DAB1: variants seen among roughly 807,000 people sequenced by gnomAD.
DAB1 encodes disabled homolog 1.
Under a neutral mutation model 64.6 loss-of-function variants are expected in DAB1, and 15 were observed. The observed-to-expected ratio is 0.23, with a 90% CI of 0.16 to 0.36. The LOEUF is 0.36. DAB1 is among the 10% of genes least tolerant of loss of function. The pLI, the probability that DAB1 is intolerant of heterozygous loss-of-function variation, is 1.00. For missense variants in DAB1, 596 were observed against 706.7 expected (o/e 0.84, Z 1.78); for synonymous variants, 235 against 251.9 (o/e 0.93, Z 0.64).
chr1:58,513,606 T>C (rs570870171), intron 2 of DAB1, among the ~76,000 whole-genome samples: 2 of 152,200 alleles, frequency 1.3e-5, no homozygotes, highest in African/African-American at 2.4e-5. Flanking sequence ...TCCTAGAATA[T>C]TTTTTGAGAC....
rs852797 is a variant in DAB1 at position 57,853,606 on chromosome 1, T to A, written n.88-27151A>T. On this transcript the variant is annotated intron_variant and non_coding_transcript_variant, in intron 1 of 1. Coordinates refer to the DAB1 transcript ENST00000477280. ...TAATAAAATGAACGAATAAATGAAT[T>A]AATGAATAAGTGAACTAAAATCAAT... 7.4e-4 allele frequency among the ~76,000 whole-genome samples: 112 copies of A among 152,068 alleles called. 4 individuals are homozygous for A. The South Asian group carries it at 0.016, about 22-fold the overall frequency.
chr1:57,761,760 G>A (rs963359200), intron 6 of DAB1, among the ~76,000 whole-genome samples: 6 of 152,182 alleles, frequency 3.9e-5, no homozygotes, highest in South Asian at 2.1e-4. Context: ...ATTGTGACAC[G>A]TGGGCCCAGA....
intron 1 of DAB1, among the ~76,000 whole-genome samples, chr1:57,389,691 A>G (rs957590721): frequency 6.6e-6 from 1 of 152,210 alleles, no homozygotes; most frequent in African/African-American, 2.4e-5. Flanking sequence ...AATGCATAGT[A>G]CATGGGTACA....
At chr1:58,491,943 C>G (rs1321292554) in intron 3 of DAB1, among the ~76,000 whole-genome samples, 3 of 152,138 alleles carry the variant, frequency 2.0e-5, no homozygotes, top group Non-Finnish European at 2.9e-5. Flanking sequence ...ACTCTCCACC[C>G]CAAATCAACA....
chr1:58,482,349 C>A (rs1288834671), intron 3 of DAB1, among the ~76,000 whole-genome samples: 1 of 152,098 alleles, frequency 6.6e-6, no homozygotes, highest in Non-Finnish European at 1.5e-5. Flanking sequence ...GAAATAGTTA[C>A]CCCTGAAACT....
At chr1:57,274,380 G>A (rs565754098) in intron 2 of DAB1, among the ~76,000 whole-genome samples, 37 of 152,318 alleles carry the variant, frequency 2.4e-4, no homozygotes, top group African/African-American at 8.9e-4. Context: ...TGAGCAAGTT[G>A]CCTCCCACAA....
At chr1:58,413,441 GA>G (rs774614886) in intron 3 of DAB1, among the ~76,000 whole-genome samples, 11 of 152,294 alleles carry the variant, frequency 7.2e-5, no homozygotes, top group Non-Finnish European at 1.2e-4. Flanking sequence ...CGCAGATAAA[GA>G]GGGGTAATGT....
chr1:57,584,596 T>C (rs956896202), intron 7 of DAB1, among the ~76,000 whole-genome samples: 3 of 152,180 alleles, frequency 2.0e-5, no homozygotes, highest in Admixed American at 6.5e-5. Flanking sequence ...AATGTCTCCC[T>C]GAACAGGCAC....
intron 2 of DAB1, among the ~76,000 whole-genome samples, chr1:57,190,052 G>C (rs1009089707): frequency 6.6e-6 from 1 of 152,122 alleles, no homozygotes; most frequent in Non-Finnish European, 1.5e-5. Flanking sequence ...GGGCCCAAAG[G>C]GAGGTTACTT....
At chr1:58,004,873 G>A (rs1346902454) in intron 5 of DAB1, among the ~76,000 whole-genome samples, 1 of 152,034 alleles carries the variant, frequency 6.6e-6, no homozygotes, top group East Asian at 1.9e-4. Flanking sequence ...GCTTCCTGAA[G>A]AGTGGAAAAC....
chr1:57,997,990 T>TA (rs907563271), intron 5 of DAB1, among the ~76,000 whole-genome samples: 4 of 152,116 alleles, frequency 2.6e-5, no homozygotes, highest in Admixed American at 2.6e-4. Context: ...ATAGTATCTT[T>TA]AGAAAACCTC....
At chr1:57,337,792 T>C (rs1023331605) in intron 1 of DAB1, among the ~76,000 whole-genome samples, 1 of 152,160 alleles carries the variant, frequency 6.6e-6, no homozygotes, top group African/African-American at 2.4e-5. Context: ...AACAGGCCAG[T>C]GGCACCTGTA....
At chr1:58,486,038 C>G (rs1645570832) in intron 3 of DAB1, among the ~76,000 whole-genome samples, 1 of 152,176 alleles carries the variant, frequency 6.6e-6, no homozygotes, top group African/African-American at 2.4e-5. Context: ...GTGAAAGAAA[C>G]TAACATCTAC....
chr1:57,261,721 AGAGT>A (rs1670196595), intron 2 of DAB1, among the ~76,000 whole-genome samples: 1 of 152,236 alleles, frequency 6.6e-6, no homozygotes, highest in South Asian at 2.1e-4. Flanking sequence ...ACATGCTAGC[AGAGT>A]GACTTTGGAC....
intron 2 of DAB1, among the ~76,000 whole-genome samples, chr1:57,167,405 C>T (rs958430713): frequency 7.9e-5 from 12 of 152,114 alleles, no homozygotes; most frequent in African/African-American, 2.7e-4. Context: ...CCCTTGTATG[C>T]TTCTACGACT....
At chr1:58,519,843 T>A (rs1646233577) in intron 2 of DAB1, among the ~76,000 whole-genome samples, 4 of 151,950 alleles carry the variant, frequency 2.6e-5, no homozygotes, top group Admixed American at 2.6e-4. Context: ...TAAAAGAGCA[T>A]CAAAGGGATA....
chr1:57,719,456 T>C (rs1238323793), intron 6 of DAB1, among the ~76,000 whole-genome samples: 1 of 152,224 alleles, frequency 6.6e-6, no homozygotes, highest in African/African-American at 2.4e-5. Flanking sequence ...TGATATTGTT[T>C]GGCTCTGTGT....
chr1:58,069,289 C>T (rs531786477), intron 5 of DAB1, among the ~76,000 whole-genome samples: 4 of 152,176 alleles, frequency 2.6e-5, no homozygotes, highest in Admixed American at 2.0e-4. Context: ...CCCTCTTAAC[C>T]TCATACTTGA....
At chr1:57,966,839 G>T (rs980750407) in intron 5 of DAB1, among the ~76,000 whole-genome samples, 2 of 152,182 alleles carry the variant, frequency 1.3e-5, no homozygotes, top group Non-Finnish European at 2.9e-5. Flanking sequence ...TCTAGGGAAA[G>T]AATGTTAAGA....
Sources: allele counts gnomAD v4.1 joint callset (sites outside exome capture counted in the v4.1 genomes callset), GRCh38; gene constraint gnomAD v4.1.1; transcripts MANE v1.5; gene names NCBI Gene and HGNC (gene_info 2026-07-23, HGNC 2026-07-21).